SNTG1: variants seen among roughly 807,000 people sequenced by gnomAD.
SNTG1 encodes syntrophin gamma 1, also known as gamma-1-syntrophin.
A neutral mutation model predicts 74.7 loss-of-function variants in SNTG1; 39 were observed. The ratio of observed to expected loss-of-function variants is 0.52; its 90% CI spans 0.40 to 0.68. SNTG1 has a LOEUF of 0.68. Ranked by LOEUF, SNTG1 falls within the 30% of genes least tolerant of loss-of-function variation. The probability of loss-of-function intolerance (pLI) is 0.00; values close to 1 mark genes in which losing one functional copy is unlikely to be tolerated. For synonymous variants in SNTG1, 254 were observed against 217.1 expected, an observed-to-expected ratio of 1.17 and a Z score of -1.49; for missense variants, 685 against 609.5, an observed-to-expected ratio of 1.12 and a Z score of -1.30.
At chr8:50,370,238 CTT>C (rs1223232579) in intron 2 of SNTG1, among the ~76,000 whole-genome samples, 4 of 152,134 alleles carry the variant, frequency 2.6e-5, no homozygotes, top group Non-Finnish European at 5.9e-5. Flanking sequence ...TGAAGGAGCT[CTT>C]TTTTCCTGTA....
chr8:50,523,984 T>G (rs888065372), intron 9 of SNTG1, among the ~76,000 whole-genome samples: 1 of 152,176 alleles, frequency 6.6e-6, no homozygotes, highest in Admixed American at 6.6e-5. Context: ...TAATTGCTGA[T>G]AGGGAAACAC....
intron 1 of SNTG1, among the ~76,000 whole-genome samples, chr8:50,003,668 T>C (rs1215429792): frequency 6.6e-6 from 1 of 152,196 alleles, no homozygotes. Flanking sequence ...AGACATTTTT[T>C]CTGTTGTAAT....
chr8:50,335,297 C>A (rs888195373), intron 2 of SNTG1, among the ~76,000 whole-genome samples: 1 of 152,168 alleles, frequency 6.6e-6, no homozygotes, highest in African/African-American at 2.4e-5. Flanking sequence ...CTCTGGTGGT[C>A]AGAAGTCTGA....
chr8:50,602,839 G>C (rs1265617830), intron 13 of SNTG1, among the ~76,000 whole-genome samples: 1 of 151,040 alleles, frequency 6.6e-6, no homozygotes, highest in Non-Finnish European at 1.5e-5. Flanking sequence ...GCCTCTACTG[G>C]CCTGTCAGGT....
intron 13 of SNTG1, among the ~76,000 whole-genome samples, chr8:50,639,602 G>A (rs2095059708): frequency 6.6e-6 from 1 of 151,778 alleles, no homozygotes; most frequent in African/African-American, 2.4e-5. Flanking sequence ...TGCTTATAAT[G>A]TCCTACCTGC....
intron 13 of SNTG1, among the ~76,000 whole-genome samples, chr8:50,654,276 C>A (rs1247639845): frequency 6.6e-6 from 1 of 152,020 alleles, no homozygotes; most frequent in East Asian, 1.9e-4. Flanking sequence ...TTTTTCCAAA[C>A]TTTTGTCTCT....
rs2090690340 is a variant in SNTG1 at position 50,325,071 on chromosome 8, A to AATATATGCATATATACATATATAAATAT, written c.-27-69133_-27-69106dup. Among the ~76,000 whole-genome samples the AATATATGCATATATACATATATAAATAT allele has an allele frequency of 5.4e-5, 8 of 148,980 alleles. No homozygotes were observed. In the South Asian group the frequency reaches 6.3e-4, roughly 12 times the overall value. On this transcript the variant is annotated intron_variant, in intron 2 of 18. Transcript: ENST00000642720. Reference sequence around the variant, plus strand: ...AAATAACCCAGAAATAGACCCACCAAATATATGCATATATACATATATAAA... The same window carrying AATATATGCATATATACATATATAAATAT: ...AAATAACCCAGAAATAGACCCACCAAATATATGCATATATACATATATAAATATATATATGCATATATACATATATAAA...
intron 2 of SNTG1, among the ~76,000 whole-genome samples, chr8:50,308,609 A>C (rs1161260384): frequency 1.3e-5 from 2 of 152,170 alleles, no homozygotes; most frequent in East Asian, 3.9e-4. Flanking sequence ...GATTTGTAAT[A>C]TTCCAAGTTA....
intron 1 of SNTG1, among the ~76,000 whole-genome samples, chr8:50,160,060 G>T (rs578035480): frequency 6.6e-6 from 1 of 152,306 alleles, no homozygotes; most frequent in Admixed American, 6.5e-5. Context: ...TGATATTTAT[G>T]CAGGACAACA....
chr8:50,297,123 A>G (rs1278592456), intron 2 of SNTG1, among the ~76,000 whole-genome samples: 1 of 152,166 alleles, frequency 6.6e-6, no homozygotes, highest in Non-Finnish European at 1.5e-5. Context: ...TATTTTTCGA[A>G]TGGGAAACAT....
At chr8:50,006,606 G>A (rs1333151608) in intron 1 of SNTG1, among the ~76,000 whole-genome samples, 1 of 152,176 alleles carries the variant, frequency 6.6e-6, no homozygotes, top group Non-Finnish European at 1.5e-5. Flanking sequence ...TAGTTTTAGA[G>A]ACTGATTGTC....
At chr8:50,096,784 A>T (rs2079944421) in intron 1 of SNTG1, among the ~76,000 whole-genome samples, 1 of 152,194 alleles carries the variant, frequency 6.6e-6, no homozygotes, top group Admixed American at 6.5e-5. Context: ...ATTATCCACA[A>T]AAGTTATGAA....
chr8:50,392,598 C>G (rs1420358370), intron 2 of SNTG1, among the ~76,000 whole-genome samples: 19 of 152,126 alleles, frequency 1.2e-4, no homozygotes, highest in Admixed American at 1.2e-3. Context: ...ACCTGAGGAA[C>G]TCAATCCAAA....
intron 1 of SNTG1, among the ~76,000 whole-genome samples, chr8:50,095,896 C>T (rs539114307): frequency 2.5e-4 from 38 of 150,842 alleles, no homozygotes; most frequent in South Asian, 2.1e-4. Flanking sequence ...TGTTGATAAA[C>T]AAAATACCTA....
At chr8:50,101,573 T>G (rs1156249633) in intron 1 of SNTG1, among the ~76,000 whole-genome samples, 2 of 152,094 alleles carry the variant, frequency 1.3e-5, no homozygotes, top group Non-Finnish European at 2.9e-5. Context: ...TTATTATTAT[T>G]ATACTTTAAG....
At chr8:50,790,460 G>A (rs117853538) in intron 18 of SNTG1, among the ~76,000 whole-genome samples, 3,866 of 151,894 alleles carry the variant, frequency 0.025, 65 homozygotes, top group Middle Eastern at 0.041. Flanking sequence ...GGAAGCTGTC[G>A]GTGGATGGAT....
intron 18 of SNTG1, among the ~76,000 whole-genome samples, chr8:50,785,295 A>G (rs1388801013): frequency 6.6e-6 from 1 of 152,000 alleles, no homozygotes; most frequent in Non-Finnish European, 1.5e-5. Context: ...AACTTTAACT[A>G]GATAACCAAA....
chr8:50,292,715 C>T (rs10107397), intron 2 of SNTG1, among the ~76,000 whole-genome samples: 10,524 of 152,090 alleles, frequency 0.069, 842 homozygotes, highest in African/African-American at 0.18. Flanking sequence ...ATGGGAGAGG[C>T]TCCGTGAGTT....
intron 1 of SNTG1, among the ~76,000 whole-genome samples, chr8:50,116,482 T>C (rs1239033828): frequency 6.6e-6 from 1 of 152,176 alleles, no homozygotes; most frequent in Non-Finnish European, 1.5e-5. Context: ...CTTGACTCTG[T>C]GTTGGAATGG....
Sources: gnomAD v4.1 joint callset for allele counts (sites outside exome capture counted in the v4.1 genomes callset) on GRCh38, gnomAD v4.1.1 for gene constraint, MANE v1.5 for transcripts, NCBI Gene and HGNC (gene_info 2026-07-23, HGNC 2026-07-21) for gene names.